The following DYNC1H1 variants were observed in gnomAD, a reference collection of about 807,000 sequenced individuals.
DYNC1H1 encodes the protein cytoplasmic dynein 1 heavy chain 1.
DYNC1H1 carries 51 observed loss-of-function variants against 527.1 expected under a neutral mutation model. That is an observed-to-expected ratio of 0.10 (90% CI 0.08 to 0.12). DYNC1H1 has a LOEUF of 0.12. Ranked by LOEUF, DYNC1H1 falls within the 10% of genes least tolerant of loss-of-function variation. The pLI, the probability that DYNC1H1 is intolerant of heterozygous loss-of-function variation, is 1.00. For missense variants in DYNC1H1, 2,771 were observed against 5,971.8 expected (o/e 0.46, Z 17.66); for synonymous variants, 2,189 against 2,278.8 (o/e 0.96, Z 1.12).
rs147754102 is a variant in DYNC1H1 at position 101,968,923 on chromosome 14, CAACAT to C, written c.256+3978_256+3982del. ...TAATCAATGTAATTAATCTCCAACA[CAACAT>C]ATCACCATGATTTCGTGCATTTAGA... On this transcript the variant is annotated intron_variant, in intron 1 of 77. Transcript: ENST00000360184. 5.5e-3 allele frequency among the ~76,000 whole-genome samples: 831 copies of C among 152,322 alleles called. 16 individuals carry two copies. The highest frequency in any genetic ancestry group is 0.037 in the East Asian group (190 of 5,192).
intron 5 of DYNC1H1, among the ~76,000 whole-genome samples, chr14:101,980,961 G>A (rs1341327176): frequency 6.6e-6 from 1 of 152,180 alleles, no homozygotes; most frequent in Non-Finnish European, 1.5e-5. Context: ...GAACTGGTCA[G>A]TACCACTTTC....
At position 102,034,460 on chromosome 14, in the gene DYNC1H1, C is replaced by T; in HGVS notation, c.10754+8C>T. On this transcript the variant is annotated splice_region_variant and intron_variant, in intron 56 of 77. Coordinates refer to ENST00000360184, the MANE Select transcript of DYNC1H1 (RefSeq NM_001376.5). Reference sequence around the variant, plus strand: ...GCTGAAACGATTCAATAGGTATGAGCTCGGGTGCCAAGGAGAGGCATGGGA... The same window carrying T: ...GCTGAAACGATTCAATAGGTATGAGTTCGGGTGCCAAGGAGAGGCATGGGA... 4 of 1,612,496 alleles carry T rather than the reference C, an allele frequency of 2.5e-6. No individual in the cohort carries two copies. Among genetic ancestry groups the T allele is most frequent in the African/African-American group, 1.3e-5 (1 of 74,974 alleles).
Position 102,005,808 on chromosome 14 carries a change from G to C in DYNC1H1, c.5434-80G>C, listed in dbSNP as rs2048190546. 1 of 1,578,962 alleles carries C rather than the reference G, an allele frequency of 6.3e-7. No homozygotes were observed. The highest frequency in any genetic ancestry group is 8.7e-7 in the Non-Finnish European group (1 of 1,150,408). On this transcript the variant is annotated intron_variant, in intron 26 of 77. Coordinates refer to ENST00000360184, the MANE Select transcript of DYNC1H1 (RefSeq NM_001376.5). This position sits in a 1 kb window ranked among gnomAD's most constrained non-coding sequence, Gnocchi z 4.0. Reference sequence around the variant, plus strand: ...AACTGGACCTAGAACCTCAATTTCAGTTTAACAGTCCACAAACCCGGAGAA... The same window carrying C: ...AACTGGACCTAGAACCTCAATTTCACTTTAACAGTCCACAAACCCGGAGAA...
chr14:101,978,343 T>C (rs563098987), intron 2 of DYNC1H1, among the ~76,000 whole-genome samples: 1 of 152,180 alleles, frequency 6.6e-6, no homozygotes, highest in Non-Finnish European at 1.5e-5. Flanking sequence ...GGCCTAATTT[T>C]TGTATCTTTA....
At position 102,005,279 on chromosome 14, in the gene DYNC1H1, A is replaced by C. The variant is rs1234012790; in HGVS notation, c.5433+43A>C. 1 of 1,609,310 alleles carries C rather than the reference A, an allele frequency of 6.2e-7. No individual in the cohort carries two copies. The highest frequency in any genetic ancestry group is 2.2e-5 in the East Asian group (1 of 44,864). ...CTCCTTCCTTACCAGTTAGACTCTT[A>C]CACCCTCAACCACACAGTTAAATGG... On this transcript the variant is annotated intron_variant, in intron 26 of 77. Transcript: ENST00000360184. This position sits in a 1 kb window ranked among gnomAD's most constrained non-coding sequence, Gnocchi z 4.0.
At position 102,029,425 on chromosome 14, in the gene DYNC1H1, GA is replaced by G; in HGVS notation, c.9469-113del. Reference sequence around the variant, plus strand: ...GGCCCGACTCGAGTGTTCTGGCCCCGAGGGCCAGGCTCCTTCTATCATGTCA... The same window carrying G: ...GGCCCGACTCGAGTGTTCTGGCCCCGGGGCCAGGCTCCTTCTATCATGTCA... On this transcript the variant is annotated intron_variant, in intron 48 of 77. Transcript: ENST00000360184. The surrounding 1 kb of genome is among the most constrained non-coding windows in gnomAD (Gnocchi z 5.3). 7.1e-7 allele frequency: 1 copy of G among 1,411,168 alleles called. No individual in the cohort carries two copies. Among genetic ancestry groups the G allele is most frequent in the South Asian group, 1.2e-5 (1 of 83,154 alleles). The allele number at this position is 1,411,168 out of a possible 1,614,324, so 87.4% of individuals were successfully genotyped here.
In DYNC1H1 at chr14:101,964,983, G is replaced by C; in HGVS notation, c.256+36G>C. Reference sequence around the variant, plus strand: ...GCGGAGGGCAGGGTCGCCAGAGCCAGGCCTCGCGGAATGCAGGGCCTGCCA... The same window carrying C: ...GCGGAGGGCAGGGTCGCCAGAGCCACGCCTCGCGGAATGCAGGGCCTGCCA... On this transcript the variant is annotated intron_variant, in intron 1 of 77. Transcript: ENST00000360184. This position sits in a 1 kb window ranked among gnomAD's most constrained non-coding sequence, Gnocchi z 5.5. 6.4e-7 allele frequency: 1 copy of C among 1,568,896 alleles called. No individual in the cohort carries two copies.
rs956508137 is a variant in DYNC1H1, at chr14:102,049,287, A to T, written c.13373-153A>T. 1 of 1,081,614 alleles carries T rather than the reference A, an allele frequency of 9.2e-7. No homozygotes were observed. Among genetic ancestry groups the T allele is most frequent in the South Asian group, 1.4e-5 (1 of 73,698 alleles). The allele number at this position is 1,081,614 out of a possible 1,614,324, so 67.0% of individuals were successfully genotyped here. On this transcript the variant is annotated intron_variant, in intron 74 of 77. Transcript: ENST00000360184. This position sits in a 1 kb window ranked among gnomAD's most constrained non-coding sequence, Gnocchi z 5.5. ...GAGCAGATGTGGTGAGGGCGGCGCC[A>T]GGGGCATAAAGTGCAGCCTGGGAAA...
Position 102,033,408 on chromosome 14 carries a change from G to A in DYNC1H1, c.10337G>A (p.Arg3446His), listed in dbSNP as rs779245575. The A allele has an allele frequency of 1.2e-6, 2 of 1,614,202 alleles. No individual in the cohort carries two copies. The highest frequency in any genetic ancestry group is 1.7e-6 in the Non-Finnish European group (2 of 1,180,040). ...CGAGACCTGGAAGCCAGCATCGCCC[G>A]CTACAAGGAGGAATACGCCGTCCTG... ...MIRDLEASIARYKEEYAVLIS... is the reference protein window; with the variant it reads ...MIRDLEASIAHYKEEYAVLIS... The change falls in exon 54 of 78, where the codon CGC becomes CAC. Residue 3446 changes from arginine (R) to histidine (H), a missense_variant. By Grantham distance (29) the Arg-to-His change is conservative. Transcript: ENST00000360184. This position sits in a 1 kb window ranked among gnomAD's most constrained non-coding sequence, Gnocchi z 5.6.
chr14:102,019,356 G>C (rs1406292806), intron 41 of DYNC1H1, among the ~76,000 whole-genome samples: 1 of 152,236 alleles, frequency 6.6e-6, no homozygotes, highest in Non-Finnish European at 1.5e-5. Flanking sequence ...CTGGCTGCGG[G>C]GGATGAGTGG....
chr14:101,971,909 A>G (rs535475986), intron 1 of DYNC1H1, among the ~76,000 whole-genome samples: 1 of 152,356 alleles, frequency 6.6e-6, no homozygotes, highest in African/African-American at 2.4e-5. Flanking sequence ...AGTGTTCACA[A>G]GTTGTTGTAA....
chr14:102,016,227 C>A lies in DYNC1H1; in HGVS notation c.7474-122C>A. On this transcript the variant is annotated intron_variant, in intron 36 of 77. Coordinates refer to ENST00000360184, the MANE Select transcript of DYNC1H1 (RefSeq NM_001376.5). The surrounding 1 kb of genome is among the most constrained non-coding windows in gnomAD (Gnocchi z 7.3). ...CTTCGTTGAGGGGCTAGGAAAGGTG[C>A]AGTGGGTGTCTGTGATGCAAGAAGA... 1.3e-6 allele frequency: 2 copies of A among 1,501,430 alleles called. No individual in the cohort carries two copies. Among genetic ancestry groups the A allele is most frequent in the Non-Finnish European group, 1.8e-6 (2 of 1,100,250 alleles). 93.0% of individuals were successfully genotyped at this position (1,501,430 alleles called of 1,614,324 possible).
chr14:101,988,359 G>A (rs1449813090), intron 9 of DYNC1H1, among the ~76,000 whole-genome samples: 4 of 152,238 alleles, frequency 2.6e-5, no homozygotes, highest in Non-Finnish European at 2.9e-5. Flanking sequence ...GGTAGAAGGT[G>A]TGGTATGTGT....
intron 72 of DYNC1H1, among the ~76,000 whole-genome samples, chr14:102,046,458 C>G (rs1239677889): frequency 6.7e-5 from 10 of 148,884 alleles, no homozygotes; most frequent in African/African-American, 2.2e-4. Context: ...AAAGCCAAAG[C>G]CAGGCGAGCT....
rs527503979 is a variant in DYNC1H1, at chr14:102,001,817, G to A, written c.4542+136G>A. ...GACAGGGTCTCACTCTGTCTCCCAC[G>A]CTGGAGTGCAGTGGCACCATCACAG... On this transcript the variant is annotated intron_variant, in intron 21 of 77. Transcript: ENST00000360184. This position sits in a 1 kb window ranked among gnomAD's most constrained non-coding sequence, Gnocchi z 5.0. The A allele has an allele frequency of 8.8e-6, 11 of 1,255,916 alleles. No homozygotes were observed. Among genetic ancestry groups the A allele is most frequent in the Middle Eastern group, 2.6e-4 (1 of 3,798 alleles). 77.8% of individuals were successfully genotyped at this position (1,255,916 alleles called of 1,614,324 possible). A position where few individuals can be genotyped will look rare whatever the true frequency, so the allele number is the denominator to read the frequency against.
At chr14:102,003,633 A>T (rs1313415993) in intron 23 of DYNC1H1, among the ~76,000 whole-genome samples, 1 of 152,196 alleles carries the variant, frequency 6.6e-6, no homozygotes, top group Admixed American at 6.5e-5. Context: ...AGATTCTTTT[A>T]AAAATGAGTT....
chr14:101,979,290 C>T lies in DYNC1H1; in HGVS notation c.345-29C>T, dbSNP rs766058635. On this transcript the variant is annotated intron_variant, in intron 2 of 77. Transcript: ENST00000360184. This position sits in a 1 kb window ranked among gnomAD's most constrained non-coding sequence, Gnocchi z 4.6. ...AAGCCTAATTAGGAGTGTAACTTTT[C>T]TAATTTCTTGTTTTATTTTTCTTTT... is the stretch of plus-strand genomic sequence containing the variant. 3 of 1,611,354 alleles carry T rather than the reference C, an allele frequency of 1.9e-6. No homozygotes were observed. Among genetic ancestry groups the T allele is most frequent in the African/African-American group, 2.7e-5 (2 of 74,842 alleles).
chr14:101,979,699 G>T lies in DYNC1H1; in HGVS notation c.519-20G>T. On this transcript the variant is annotated intron_variant, in intron 3 of 77. Transcript: ENST00000360184. The surrounding 1 kb of genome is among the most constrained non-coding windows in gnomAD (Gnocchi z 4.6). ...AGACCAATAGCACACTAAATGTTGAGGTATGAAATCTGTTTTTAGGGATGG... is the reference window on the plus strand; with the variant it reads ...AGACCAATAGCACACTAAATGTTGATGTATGAAATCTGTTTTTAGGGATGG... 2 of 1,613,564 alleles carry T rather than the reference G, an allele frequency of 1.2e-6. No homozygotes were observed. Among genetic ancestry groups the T allele is most frequent in the Non-Finnish European group, 1.7e-6 (2 of 1,180,028 alleles).
At chr14:101,969,184 A>ATT (rs33934050) in intron 1 of DYNC1H1, among the ~76,000 whole-genome samples, 16 of 139,188 alleles carry the variant, frequency 1.1e-4, no homozygotes, top group East Asian at 8.5e-4. Flanking sequence ...CACCTGGTTA[A>ATT]TTTTTTTTTT....
Sources: allele counts gnomAD v4.1 joint callset (sites outside exome capture counted in the v4.1 genomes callset), GRCh38; gene constraint gnomAD v4.1.1; non-coding constraint Gnocchi (gnomAD v3.1); transcripts MANE v1.5; gene names NCBI Gene and HGNC (gene_info 2026-07-23, HGNC 2026-07-21).